Variants in NIPSNAP3B observed in about 807,000 individuals in gnomAD.
NIPSNAP3B encodes the protein nipsnap homolog 3B, also known as protein NipSnap homolog 3B.
NIPSNAP3B carries 30 observed loss-of-function variants against 31.5 expected under a neutral mutation model. That is an observed-to-expected ratio of 0.95 (90% CI 0.71 to 1.29). NIPSNAP3B has a LOEUF of 1.29. Among genes scored for constraint, NIPSNAP3B ranks in the 50% most tolerant of loss-of-function variants. NIPSNAP3B has a pLI of 0.00. For missense variants in NIPSNAP3B, 269 were observed against 300.7 expected, an observed-to-expected ratio of 0.89 and a Z score of 0.78; for synonymous variants, 106 against 107.9, an observed-to-expected ratio of 0.98 and a Z score of 0.11.
chr9:104,775,195 A>T lies in NIPSNAP3B; in HGVS notation c.*2122A>T, dbSNP rs1261969769. ...AAATATACTTTTTTTTCCTATCTTT[A>T]AAAAAAAAAAAGAGTAAAATCACCC... is the stretch of plus-strand genomic sequence containing the variant. On this transcript the variant is annotated 3_prime_UTR_variant, in exon 6 of 6. Transcript: ENST00000374762. 1.4e-5 allele frequency among the ~76,000 whole-genome samples: 2 copies of T among 141,278 alleles called. No individual in the cohort carries two copies. The highest frequency in any genetic ancestry group is 3.1e-5 in the Non-Finnish European group (2 of 64,432). 92.7% of individuals were successfully genotyped at this position (141,278 alleles called of 152,430 possible). A position where few individuals can be genotyped will look rare whatever the true frequency, so the allele number is the denominator to read the frequency against.
chr9:104,774,006 T>C lies in NIPSNAP3B; in HGVS notation c.*933T>C, dbSNP rs535428948. On this transcript the variant is annotated 3_prime_UTR_variant, in exon 6 of 6. Coordinates refer to ENST00000374762, the MANE Select transcript of NIPSNAP3B (RefSeq NM_018376.4). ...CTGAGAAGGAAGGTTTCTTTAGTAC[T>C]GCCACAGATGTCCTGGAGTTTTCCT... 26 of 152,316 alleles carry C rather than the reference T, an allele frequency of 1.7e-4. 1 individual carries two copies. The highest frequency in any genetic ancestry group is 1.7e-3 in the South Asian group (8 of 4,830). The allele number at this position is 152,316 out of a possible 1,614,324, so 9.4% of individuals were successfully genotyped here.
the NIPSNAP3B span, chr9:104,788,679 ACAT>A: frequency 9.2e-6 from 12 of 1,310,236 alleles, no homozygotes; most frequent in Non-Finnish European, 1.3e-5. Context: ...AGATACCAAT[ACAT>A]CTGCTGCTAC....
chr9:104,767,183 T>C (rs1315879762), intron 2 of NIPSNAP3B, among the ~76,000 whole-genome samples: 1 of 152,132 alleles, frequency 6.6e-6, no homozygotes, highest in Non-Finnish European at 1.5e-5. Flanking sequence ...TAGTTAACTT[T>C]TAAGCGTCAC....
In NIPSNAP3B at chr9:104,775,041, G is replaced by A. The variant is rs1394674853; in HGVS notation, c.*1968G>A. Among the ~76,000 whole-genome samples, 3 of 151,642 alleles carry A rather than the reference G, an allele frequency of 2.0e-5. No individual in the cohort carries two copies. Among genetic ancestry groups the A allele is most frequent in the Non-Finnish European group, 4.4e-5 (3 of 67,946 alleles). On this transcript the variant is annotated 3_prime_UTR_variant, in exon 6 of 6. Coordinates refer to ENST00000374762, the MANE Select transcript of NIPSNAP3B (RefSeq NM_018376.4). ...TCTCTCCTTTCACTGTGGATGAACC[G>A]CCCGTGCCCCAAGCAAAGACAAACC...
intron 4 of NIPSNAP3B, among the ~76,000 whole-genome samples, chr9:104,772,437 G>T (rs746158088): frequency 7.2e-5 from 11 of 151,932 alleles, no homozygotes; most frequent in Non-Finnish European, 8.8e-5. Flanking sequence ...ACCATATGTT[G>T]ATAAAGGTTT....
At chr9:104,780,466 C>T (rs937963098), downstream of NIPSNAP3B, among the ~76,000 whole-genome samples, 6 of 152,200 alleles carry the variant, frequency 3.9e-5, no homozygotes, top group Non-Finnish European at 8.8e-5. Flanking sequence ...TTACATTTAT[C>T]AGCACTGCTC....
At position 104,774,334 on chromosome 9, in the gene NIPSNAP3B, T is replaced by C. The variant is rs1828289172; in HGVS notation, c.*1261T>C. Among the ~76,000 whole-genome samples the C allele has an allele frequency of 6.6e-6, 1 of 152,228 alleles. No individual in the cohort carries two copies. Among genetic ancestry groups the C allele is most frequent in the Admixed American group, 6.5e-5 (1 of 15,284 alleles). ...ATTATGCAATGTGAGATATTATTTA[T>C]GAGAGGCAGGCAGTGGCAGCTTAAA... On this transcript the variant is annotated 3_prime_UTR_variant, in exon 6 of 6. Coordinates refer to ENST00000374762, the MANE Select transcript of NIPSNAP3B (RefSeq NM_018376.4).
chr9:104,776,065 C>G lies in NIPSNAP3B; in HGVS notation c.*2992C>G, dbSNP rs1828329910. Among the ~76,000 whole-genome samples the G allele has an allele frequency of 6.6e-6, 1 of 152,176 alleles. No homozygotes were observed. Among genetic ancestry groups the G allele is most frequent in the East Asian group, 1.9e-4 (1 of 5,200 alleles). On this transcript the variant is annotated 3_prime_UTR_variant, in exon 6 of 6. Transcript: ENST00000374762. Reference sequence around the variant, plus strand: ...ATATCACTCCTCTGCTCAACACCCCCTCCCAATACCTTCATGTCATCCTCA... The same window carrying G: ...ATATCACTCCTCTGCTCAACACCCCGTCCCAATACCTTCATGTCATCCTCA...
chr9:104,771,131 C>A, intron 4 of NIPSNAP3B, 133 bp downstream of exon 4: 1 of 686,990 alleles, frequency 1.5e-6, no homozygotes, highest in Non-Finnish European at 2.4e-6. Context: ...TTGAAAAAAT[C>A]TATAAGCATC....
chr9:104,768,651 A>G (rs557654547), intron 2 of NIPSNAP3B, among the ~76,000 whole-genome samples: 2 of 152,300 alleles, frequency 1.3e-5, no homozygotes, highest in East Asian at 3.9e-4. Flanking sequence ...ATTCTATGTC[A>G]ATTAAGTTAG....
rs538402251 is a variant in NIPSNAP3B at position 104,777,088 on chromosome 9, G to C, written c.*4015G>C. 1.3e-5 allele frequency: 2 copies of C among 152,324 alleles called. No homozygotes were observed. Among genetic ancestry groups the C allele is most frequent in the South Asian group, 4.1e-4 (2 of 4,826 alleles). The allele number at this position is 152,324 out of a possible 1,614,324, so 9.4% of individuals were successfully genotyped here. ...TACCATTGTCTGTTGGTTATAAGTT[G>C]CTGTCACAGACTATGAAGGTATTTG... On this transcript the variant is annotated 3_prime_UTR_variant, in exon 6 of 6. Transcript: ENST00000374762.
chr9:104,788,290 A>C, the NIPSNAP3B span: 1 of 1,311,930 alleles, frequency 7.6e-7, no homozygotes, highest in Non-Finnish European at 1.1e-6. Context: ...CTGAAAGCAG[A>C]TACAAAGAAC....
chr9:104,774,505 A>G lies in NIPSNAP3B; in HGVS notation c.*1432A>G, dbSNP rs537198608. ...AATTAAAAGTTAACTAAAATACTACAGAAGACATTTAATATTTTGCTTCAG... is the reference window on the plus strand; with the variant it reads ...AATTAAAAGTTAACTAAAATACTACGGAAGACATTTAATATTTTGCTTCAG... On this transcript the variant is annotated 3_prime_UTR_variant, in exon 6 of 6. Transcript: ENST00000374762. Among the ~76,000 whole-genome samples the G allele has an allele frequency of 2.0e-5, 3 of 152,364 alleles. No homozygotes were observed. Among genetic ancestry groups the G allele is most frequent in the Admixed American group, 1.3e-4 (2 of 15,308 alleles).
chr9:104,773,910 C>T lies in NIPSNAP3B; in HGVS notation c.*837C>T, dbSNP rs1828281276. On this transcript the variant is annotated 3_prime_UTR_variant, in exon 6 of 6. Coordinates refer to ENST00000374762, the MANE Select transcript of NIPSNAP3B (RefSeq NM_018376.4). Reference sequence around the variant, plus strand: ...AAGCTCTTGCTATGTTGCTATAAGACAGTAATATAGTGATAATTTACCAAC... The same window carrying T: ...AAGCTCTTGCTATGTTGCTATAAGATAGTAATATAGTGATAATTTACCAAC... 1 of 152,056 alleles carries T rather than the reference C, an allele frequency of 6.6e-6. No individual in the cohort carries two copies. The highest frequency in any genetic ancestry group is 1.5e-5 in the Non-Finnish European group (1 of 67,992). The allele number at this position is 152,056 out of a possible 1,614,324, so 9.4% of individuals were successfully genotyped here. A position where few individuals can be genotyped will look rare whatever the true frequency, so the allele number is the denominator to read the frequency against.
Position 104,775,960 on chromosome 9 carries a change from C to T in NIPSNAP3B, c.*2887C>T, listed in dbSNP as rs894944090. On this transcript the variant is annotated 3_prime_UTR_variant, in exon 6 of 6. Transcript: ENST00000374762. ...CTGGATTTTTGGGAAGTGGTCTTAA[C>T]TGGTGTGCTGCCCTTCCCCTCTGCT... Among the ~76,000 whole-genome samples, 3 of 152,202 alleles carry T rather than the reference C, an allele frequency of 2.0e-5. No homozygotes were observed. Among genetic ancestry groups the T allele is most frequent in the Non-Finnish European group, 4.4e-5 (3 of 68,042 alleles).
chr9:104,787,053 G>T, the NIPSNAP3B span: 1 of 1,310,714 alleles, frequency 7.6e-7, no homozygotes, highest in Non-Finnish European at 1.1e-6. Context: ...AAATGCAGAA[G>T]CATCTTTGAA....
intron 1 of NIPSNAP3B, among the ~76,000 whole-genome samples, chr9:104,765,451 G>A (rs1210460735): frequency 6.6e-6 from 1 of 152,156 alleles, no homozygotes; most frequent in Non-Finnish European, 1.5e-5. Flanking sequence ...AGACAGACTG[G>A]ATAATTTCTG....
chr9:104,774,783 A>T lies in NIPSNAP3B; in HGVS notation c.*1710A>T, dbSNP rs113533802. On this transcript the variant is annotated 3_prime_UTR_variant, in exon 6 of 6. Transcript: ENST00000374762. Reference sequence around the variant, plus strand: ...AGAGATTTGCCTTCCAGGGGGTCTAATTTGAAGAGGAAAGTAATTTAAATG... The same window carrying T: ...AGAGATTTGCCTTCCAGGGGGTCTATTTTGAAGAGGAAAGTAATTTAAATG... 6.9e-3 allele frequency among the ~76,000 whole-genome samples: 1,054 copies of T among 152,306 alleles called. 18 individuals are homozygous for T. Among genetic ancestry groups the T allele is most frequent in the African/African-American group, 0.024 (996 of 41,558 alleles).
the NIPSNAP3B span, chr9:104,784,379 A>G: frequency 6.2e-7 from 1 of 1,614,094 alleles, no homozygotes; most frequent in African/African-American, 1.3e-5. Context: ...AACGTCCACT[A>G]CTGTCTGGTT....
Sources: gnomAD v4.1 joint callset for allele counts (sites outside exome capture counted in the v4.1 genomes callset) on GRCh38, gnomAD v4.1.1 for gene constraint, MANE v1.5 for transcripts, NCBI Gene and HGNC (gene_info 2026-07-23, HGNC 2026-07-21) for gene names.